Variants in MRRF observed in about 807,000 individuals in gnomAD.
The protein encoded by MRRF is mitochondrial ribosome recycling factor.
Under a neutral mutation model 25.1 loss-of-function variants are expected in MRRF, and 18 were observed. The ratio of observed to expected loss-of-function variants is 0.72; its 90% CI spans 0.50 to 1.06. The LOEUF (loss-of-function observed/expected upper bound fraction) is 1.06. MRRF is among the 50% of genes least tolerant of loss of function. The probability of loss-of-function intolerance (pLI) is 0.00; values close to 1 mark genes in which losing one functional copy is unlikely to be tolerated. For missense variants in MRRF, 323 were observed against 319.3 expected, an observed-to-expected ratio of 1.01 and a Z score of -0.09; for synonymous variants, 113 against 112.1, an observed-to-expected ratio of 1.01 and a Z score of -0.05.
chr9:122,328,520 C>T lies in MRRF; in HGVS notation c.*5903C>T, dbSNP rs1321953048. On this transcript the variant is annotated 3_prime_UTR_variant, in exon 7 of 7. Transcript: ENST00000344641. ...GTTTATTTCACTGAAGCATGATGTC[C>T]TTAAAGTATATCCATATTGTAGCAT... 1 of 152,096 alleles carries T rather than the reference C, an allele frequency of 6.6e-6. No homozygotes were observed. Among genetic ancestry groups the T allele is most frequent in the Non-Finnish European group, 1.5e-5 (1 of 68,024 alleles). The allele number at this position is 152,096 out of a possible 1,614,324, so 9.4% of individuals were successfully genotyped here. A position where few individuals can be genotyped will look rare whatever the true frequency, so the allele number is the denominator to read the frequency against.
At chr9:122,305,508 A>T (rs1447549749) in intron 5 of MRRF, among the ~76,000 whole-genome samples, 1 of 152,084 alleles carries the variant, frequency 6.6e-6, no homozygotes, top group East Asian at 1.9e-4. Context: ...AATACCACTA[A>T]TGTCATAGGA....
intron 4 of MRRF, among the ~76,000 whole-genome samples, chr9:122,287,270 A>G (rs1833474844): frequency 6.6e-6 from 1 of 152,224 alleles, no homozygotes; most frequent in African/African-American, 2.4e-5. Context: ...TAATTTGCTC[A>G]TTGTGTCCAA....
chr9:122,317,285 T>C (rs980417064), intron 6 of MRRF, among the ~76,000 whole-genome samples: 8 of 152,040 alleles, frequency 5.3e-5, no homozygotes, highest in Admixed American at 2.6e-4. Flanking sequence ...AAAATGTTGC[T>C]TATCTGGGAA....
Position 122,280,701 on chromosome 9 carries a change from C to A in MRRF, c.340+103C>A, listed in dbSNP as rs1012759216. On this transcript the variant is annotated intron_variant, in intron 3 of 6. Transcript: ENST00000344641. ...AGCTTTGCCATTTACTAACTGGTGG[C>A]CATGGGCAGTTACTTTGCTTTTCTG... is the stretch of plus-strand genomic sequence containing the variant. 34 of 1,089,124 alleles carry A rather than the reference C, an allele frequency of 3.1e-5. No individual in the cohort carries two copies. In the African/African-American group the frequency reaches 5.0e-4, roughly 16 times the overall value. 67.5% of individuals were successfully genotyped at this position (1,089,124 alleles called of 1,614,324 possible).
chr9:122,329,371 T>G lies in MRRF; in HGVS notation c.*6754T>G, dbSNP rs1836222880. 6.6e-6 allele frequency: 1 copy of G among 152,284 alleles called. No individual in the cohort carries two copies. Among genetic ancestry groups the G allele is most frequent in the South Asian group, 2.1e-4 (1 of 4,830 alleles). The allele number at this position is 152,284 out of a possible 1,614,324, so 9.4% of individuals were successfully genotyped here. On this transcript the variant is annotated 3_prime_UTR_variant, in exon 7 of 7. Coordinates refer to ENST00000344641, the MANE Select transcript of MRRF (RefSeq NM_138777.5). ...ACTTACCTAGTCTTATAAGCCCTTC[T>G]TGGTCCCATGTTCTTCCTTACACTA...
At chr9:122,302,028 G>A (rs750612677) in intron 5 of MRRF, among the ~76,000 whole-genome samples, 3 of 151,756 alleles carry the variant, frequency 2.0e-5, no homozygotes, top group African/African-American at 4.8e-5. Context: ...ACAGGCATAA[G>A]ACCATGCCTG....
chr9:122,305,206 T>A (rs994141944), intron 5 of MRRF, among the ~76,000 whole-genome samples: 6 of 151,744 alleles, frequency 4.0e-5, no homozygotes, highest in Admixed American at 3.3e-4. Flanking sequence ...AGGTCAGGAG[T>A]TCGAGACCAG....
intron 5 of MRRF, among the ~76,000 whole-genome samples, chr9:122,301,783 G>T (rs992953244): frequency 2.0e-5 from 3 of 151,504 alleles, no homozygotes; most frequent in Non-Finnish European, 2.9e-5. Context: ...GCCCAGGCTG[G>T]AGTGCAGTGG....
intron 5 of MRRF, among the ~76,000 whole-genome samples, chr9:122,292,522 A>G (rs1833839401): frequency 2.0e-5 from 3 of 152,342 alleles, no homozygotes. Context: ...AAAATATAAG[A>G]CCTTGACCTT....
At chr9:122,266,159 C>T (rs1052923457) in intron 1 of MRRF, among the ~76,000 whole-genome samples, 2 of 152,228 alleles carry the variant, frequency 1.3e-5, no homozygotes, top group African/African-American at 4.8e-5. Flanking sequence ...ACTGGGGATA[C>T]AGCAGTGAAC....
intron 2 of MRRF, among the ~76,000 whole-genome samples, chr9:122,274,281 G>A (rs1201553791): frequency 6.6e-6 from 1 of 152,156 alleles, no homozygotes; most frequent in Non-Finnish European, 1.5e-5. Flanking sequence ...CATGGTATGG[G>A]CATAAAAACA....
At position 122,322,872 on chromosome 9, in the gene MRRF, T is replaced by C; in HGVS notation, c.*255T>C. On this transcript the variant is annotated 3_prime_UTR_variant, in exon 7 of 7. Transcript: ENST00000344641. ...AAAGGCCTGTACTCAGGCATTTGCT[T>C]TGACTTGATGTTGCCAAGGGACTGA... 5.3e-6 allele frequency: 3 copies of C among 570,282 alleles called. No homozygotes were observed. Among genetic ancestry groups the C allele is most frequent in the South Asian group, 3.9e-5 (2 of 50,682 alleles). 35.3% of individuals were successfully genotyped at this position (570,282 alleles called of 1,614,324 possible).
chr9:122,303,144 A>AC, intron 5 of MRRF, among the ~76,000 whole-genome samples: 1 of 152,076 alleles, frequency 6.6e-6, no homozygotes, highest in African/African-American at 2.4e-5. Flanking sequence ...AAATAACATA[A>AC]GTTTATCCCA....
At chr9:122,312,373 C>A (rs541116993) in intron 5 of MRRF, among the ~76,000 whole-genome samples, 1 of 152,170 alleles carries the variant, frequency 6.6e-6, no homozygotes, top group East Asian at 1.9e-4. Context: ...AAAGGATTTA[C>A]GTAAATACAA....
rs1281212317 is a variant in MRRF at position 122,325,784 on chromosome 9, T to G, written c.*3167T>G. 1 of 148,360 alleles carries G rather than the reference T, an allele frequency of 6.7e-6. No individual in the cohort carries two copies. Among genetic ancestry groups the G allele is most frequent in the Admixed American group, 6.7e-5 (1 of 14,908 alleles). 9.2% of individuals were successfully genotyped at this position (148,360 alleles called of 1,614,324 possible). On this transcript the variant is annotated 3_prime_UTR_variant, in exon 7 of 7. Transcript: ENST00000344641. ...AGGTATATATCTTTCCAGACCTCCT[T>G]TCTCTGTGCATATATGTGTGTGTGT...
chr9:122,312,539 A>G (rs934183858), intron 5 of MRRF, among the ~76,000 whole-genome samples: 1 of 152,208 alleles, frequency 6.6e-6, no homozygotes. Context: ...TCCTTGAGCA[A>G]GAACCGTGTT....
intron 5 of MRRF, among the ~76,000 whole-genome samples, chr9:122,302,396 A>G (rs190476602): frequency 4.2e-3 from 631 of 152,036 alleles, no homozygotes; most frequent in Non-Finnish European, 6.8e-3. Context: ...TTACTAATCC[A>G]CTTTTCTATC....
intron 1 of MRRF, among the ~76,000 whole-genome samples, chr9:122,268,605 A>G (rs1832264266): frequency 6.6e-6 from 1 of 152,238 alleles, no homozygotes; most frequent in African/African-American, 2.4e-5. Flanking sequence ...CAGTTTCAGC[A>G]TCTGTAAAAT....
chr9:122,283,157 G>A (rs573620815), intron 3 of MRRF, among the ~76,000 whole-genome samples: 21 of 150,268 alleles, frequency 1.4e-4, no homozygotes, highest in Non-Finnish European at 2.5e-4. Context: ...GCAATGGCGC[G>A]ATCTCGGCTC....
Sources: gnomAD v4.1 joint callset for allele counts (sites outside exome capture counted in the v4.1 genomes callset) on GRCh38, gnomAD v4.1.1 for gene constraint, MANE v1.5 for transcripts, NCBI Gene and HGNC (gene_info 2026-07-23, HGNC 2026-07-21) for gene names.